Variants in SLC3A1 observed in about 807,000 individuals in gnomAD.
SLC3A1 encodes the protein solute carrier family 3 member 1, also known as amino acid transporter heavy chain SLC3A1.
Under a neutral mutation model 60.3 loss-of-function variants are expected in SLC3A1, and 78 were observed. That is an observed-to-expected ratio of 1.29 (90% CI 1.08 to 1.56). SLC3A1 has a LOEUF of 1.56. SLC3A1 is among the 40% of genes most tolerant of loss of function. The pLI, the probability that SLC3A1 is intolerant of heterozygous loss-of-function variation, is 0.00. For synonymous variants in SLC3A1, 392 were observed against 307.9 expected (o/e 1.27, Z -2.86); for missense variants, 1,172 against 858.9 (o/e 1.36, Z -4.56).
chr2:44,321,664 C>T, downstream of SLC3A1: 1 of 1,528,090 alleles, frequency 6.5e-7, no homozygotes, highest in Non-Finnish European at 8.8e-7. Context: ...AGAGACATTT[C>T]TCTTGATTGA....
chr2:44,298,775 C>T (rs1361359576), intron 4 of SLC3A1, among the ~76,000 whole-genome samples: 4 of 152,146 alleles, frequency 2.6e-5, no homozygotes, highest in Non-Finnish European at 5.9e-5. Context: ...CTCTCAGGAG[C>T]AGGTGAGGCA....
intron 3 of SLC3A1, 117 bp downstream of exon 3, chr2:44,281,658 G>A: frequency 1.1e-6 from 1 of 916,872 alleles, no homozygotes. Flanking sequence ...TCGGAAGGGG[G>A]CAAGTTTCTG....
rs762659725 is a variant in SLC3A1 at position 44,286,128 on chromosome 2, C to T, written c.862C>T (p.Arg288Cys). ...FMKEQPDLNF[R>C]NPDVQEEIKE... ...GAAAGAGCAACCTGATTTAAATTTC[C>T]GCAATCCTGATGTTCAAGAAGAAAT... The change falls in exon 4 of 10, where the codon CGC becomes TGC. Residue 288 changes from arginine (R) to cysteine (C), a missense_variant. Arg to Cys is a radical substitution (Grantham distance 180). Transcript: ENST00000260649. The T allele has an allele frequency of 6.8e-6, 11 of 1,613,830 alleles. No homozygotes were observed. Among genetic ancestry groups the T allele is most frequent in the African/African-American group, 1.3e-5 (1 of 74,882 alleles).
At chr2:44,305,597 TTTTTA>T (rs1328696700) in intron 7 of SLC3A1, among the ~76,000 whole-genome samples, 1 of 151,908 alleles carries the variant, frequency 6.6e-6, no homozygotes, top group African/African-American at 2.4e-5. Flanking sequence ...CTGGCTAATT[TTTTTA>T]TTTTTAGTAC....
At chr2:44,314,332 G>A in intron 9 of SLC3A1, 1 of 462,972 alleles carries the variant, frequency 2.2e-6, no homozygotes, top group South Asian at 2.7e-5. Flanking sequence ...GCAGTAAGGA[G>A]ATCAATCAAT....
chr2:44,305,238 C>T (rs1185370921), intron 7 of SLC3A1, among the ~76,000 whole-genome samples: 1 of 152,098 alleles, frequency 6.6e-6, no homozygotes, highest in Non-Finnish European at 1.5e-5. Context: ...CCACACCCAT[C>T]AGGGTTGCTT....
intron 4 of SLC3A1, among the ~76,000 whole-genome samples, chr2:44,290,215 C>G (rs1234693237): frequency 2.0e-5 from 3 of 149,372 alleles, no homozygotes; most frequent in Non-Finnish European, 4.4e-5. Context: ...TGTCTGGCAA[C>G]TTTTGTTGAA....
intron 9 of SLC3A1, 191 bp from the exon 10 acceptor site, chr2:44,320,008 C>A: frequency 1.7e-6 from 1 of 590,046 alleles, no homozygotes; most frequent in Non-Finnish European, 3.0e-6. Flanking sequence ...GCCGAAACCC[C>A]GAATTTGTCA....
At chr2:44,284,676 A>G (rs1424655368) in intron 3 of SLC3A1, among the ~76,000 whole-genome samples, 2 of 151,960 alleles carry the variant, frequency 1.3e-5, no homozygotes, top group Non-Finnish European at 2.9e-5. Flanking sequence ...AATCCTCGCC[A>G]CCTCAGCCTC....
intron 6 of SLC3A1, chr2:44,303,923 T>C: frequency 3.2e-6 from 2 of 623,124 alleles, no homozygotes; most frequent in Non-Finnish European, 5.8e-6. Flanking sequence ...TCCTTTTTTA[T>C]GGCTGCATAG....
intron 9 of SLC3A1, chr2:44,317,951 T>C (rs575087265): frequency 1.2e-4 from 33 of 264,892 alleles, no homozygotes; most frequent in Non-Finnish European, 2.1e-4. Context: ...AATGAAGATA[T>C]AGCAAGCAAA....
intron 9 of SLC3A1, chr2:44,314,994 T>C (rs995066542): frequency 3.7e-5 from 5 of 136,354 alleles, no homozygotes; most frequent in East Asian, 2.3e-4. Flanking sequence ...TGCAATGGTG[T>C]GGTCTTGGCT....
intron 4 of SLC3A1, among the ~76,000 whole-genome samples, chr2:44,297,267 T>C (rs553166680): frequency 6.6e-6 from 1 of 152,312 alleles, no homozygotes; most frequent in South Asian, 2.1e-4. Flanking sequence ...TGTGAGCAGG[T>C]GCCGGAGCCG....
At chr2:44,300,283 C>G (rs1671970110) in intron 5 of SLC3A1, among the ~76,000 whole-genome samples, 193 bp downstream of exon 5, 1 of 152,036 alleles carries the variant, frequency 6.6e-6, no homozygotes, top group African/African-American at 2.4e-5. Context: ...TCCACTGGTT[C>G]CCTCCAGAGC....
chr2:44,300,409 A>G (rs1215572272), intron 5 of SLC3A1, among the ~76,000 whole-genome samples: 1 of 152,212 alleles, frequency 6.6e-6, no homozygotes, highest in East Asian at 1.9e-4. Flanking sequence ...ATCATCTGAC[A>G]TAGGCTCAAG....
intron 4 of SLC3A1, among the ~76,000 whole-genome samples, chr2:44,295,842 C>T (rs1212618465): frequency 1.3e-5 from 2 of 152,210 alleles, no homozygotes; most frequent in East Asian, 1.9e-4. Context: ...TGGATGCCTT[C>T]AGTTATTCGT....
chr2:44,318,747 A>G (rs1408545861), intron 9 of SLC3A1: 1 of 152,230 alleles, frequency 6.6e-6, no homozygotes, highest in Admixed American at 6.5e-5. Flanking sequence ...TTGAATAAAA[A>G]ATAAAATTAC....
chr2:44,300,310 A>T (rs1419433919), intron 5 of SLC3A1, among the ~76,000 whole-genome samples: 1 of 152,188 alleles, frequency 6.6e-6, no homozygotes, highest in African/African-American at 2.4e-5. Context: ...TCCCTTGAGG[A>T]GTCCTTCAGT....
intron 3 of SLC3A1, among the ~76,000 whole-genome samples, chr2:44,282,431 C>T (rs930786677): frequency 1.3e-5 from 2 of 151,978 alleles, no homozygotes; most frequent in Non-Finnish European, 2.9e-5. Context: ...GCAGCAAACT[C>T]GACTTCACAG....
Sources: gnomAD v4.1 joint callset for allele counts (sites outside exome capture counted in the v4.1 genomes callset) on GRCh38, gnomAD v4.1.1 for gene constraint, MANE v1.5 for transcripts, NCBI Gene and HGNC (gene_info 2026-07-23, HGNC 2026-07-21) for gene names.